BLTP3B: variants seen among roughly 807,000 people sequenced by gnomAD.
BLTP3B encodes UHRF1 (ICBP90) binding protein 1-like.
the BLTP3B span, among the ~76,000 whole-genome samples, chr12:100,100,203 G>A: frequency 6.6e-6 from 1 of 152,016 alleles, no homozygotes; most frequent in African/African-American, 2.4e-5. Context: ...TACTCGGGAG[G>A]CTGAGCTGAG....
At chr12:100,053,945 CTGACA>C in the BLTP3B span, among the ~76,000 whole-genome samples, 1 of 152,010 alleles carries the variant, frequency 6.6e-6, no homozygotes, top group Non-Finnish European at 1.5e-5. Flanking sequence ...ATTAATGACC[CTGACA>C]TAAAAATAAG....
chr12:100,074,802 A>C, the BLTP3B span, among the ~76,000 whole-genome samples: 166 of 152,260 alleles, frequency 1.1e-3, 6 homozygotes, highest in South Asian at 0.029. Context: ...ACTATAAGGA[A>C]CCAAAATGGC....
the BLTP3B span, among the ~76,000 whole-genome samples, chr12:100,137,510 GT>G: frequency 2.6e-5 from 4 of 152,218 alleles, no homozygotes; most frequent in East Asian, 7.7e-4. Flanking sequence ...TAGAGACAGA[GT>G]TTTCATCATG....
chr12:100,109,207 TCTCTCTC>T, the BLTP3B span, among the ~76,000 whole-genome samples: 1 of 127,746 alleles, frequency 7.8e-6, no homozygotes, highest in Admixed American at 8.0e-5. Context: ...TCTCTCTCTC[TCTCTCTC>T]CTGCCACCAT....
At chr12:100,071,497 C>CAA in the BLTP3B span, among the ~76,000 whole-genome samples, 366 of 78,674 alleles carry the variant, frequency 4.7e-3, 7 homozygotes, top group African/African-American at 0.011. Context: ...ACTATGTCTC[C>CAA]AAAAAAAAAA....
At chr12:100,053,552 C>T in the BLTP3B span, among the ~76,000 whole-genome samples, 3 of 152,160 alleles carry the variant, frequency 2.0e-5, no homozygotes, top group Non-Finnish European at 4.4e-5. Flanking sequence ...TACATACATT[C>T]ACAAATATGT....
the BLTP3B span, chr12:100,039,517 A>T: frequency 2.2e-6 from 3 of 1,344,876 alleles, no homozygotes; most frequent in East Asian, 4.9e-5. Flanking sequence ...AAAATAAGTA[A>T]ACAATGTTTT....
the BLTP3B span, chr12:100,142,858 C>A: frequency 1.8e-6 from 1 of 551,732 alleles, no homozygotes; most frequent in Non-Finnish European, 3.1e-6. Flanking sequence ...TTGGCTGCAG[C>A]ATCACCTAAG....
At chr12:100,126,319 G>T in the BLTP3B span, among the ~76,000 whole-genome samples, 1 of 152,144 alleles carries the variant, frequency 6.6e-6, no homozygotes. Flanking sequence ...AATATTCCTT[G>T]AGAAGCCAAC....
the BLTP3B span, among the ~76,000 whole-genome samples, chr12:100,044,495 C>T: frequency 6.6e-6 from 1 of 152,174 alleles, no homozygotes; most frequent in Non-Finnish European, 1.5e-5. Flanking sequence ...AATCTACTGA[C>T]TCATGCTCTT....
chr12:100,043,402 T>A, the BLTP3B span, among the ~76,000 whole-genome samples: 4 of 152,236 alleles, frequency 2.6e-5, no homozygotes, highest in Non-Finnish European at 5.9e-5. Flanking sequence ...TGTAAGAGTT[T>A]ATCTCTGAAC....
chr12:100,098,564 A>G, the BLTP3B span: 2 of 1,587,764 alleles, frequency 1.3e-6, no homozygotes. Context: ...AGCAAAACAA[A>G]ATACACTAAT....
At chr12:100,103,440 TTTA>T in the BLTP3B span, among the ~76,000 whole-genome samples, 23 of 152,036 alleles carry the variant, frequency 1.5e-4, no homozygotes, top group South Asian at 4.6e-3. Context: ...ATATATAGCA[TTTA>T]TTATTATCTG....
the BLTP3B span, among the ~76,000 whole-genome samples, chr12:100,087,277 C>G: frequency 6.7e-6 from 1 of 149,176 alleles, no homozygotes; most frequent in African/African-American, 2.5e-5. Context: ...ATAACGTGAA[C>G]ATAAAAATCA....
At chr12:100,072,792 G>A in the BLTP3B span, 9 of 1,598,750 alleles carry the variant, frequency 5.6e-6, no homozygotes, top group South Asian at 1.1e-5. Flanking sequence ...GGGGAAGAAC[G>A]ACATTGTTCC....
the BLTP3B span, among the ~76,000 whole-genome samples, chr12:100,122,369 G>T: frequency 1.9e-4 from 29 of 152,152 alleles, no homozygotes; most frequent in Admixed American, 1.9e-3. Flanking sequence ...AATGCTGAAG[G>T]TCACACTAAA....
chr12:100,060,375 G>T, the BLTP3B span, among the ~76,000 whole-genome samples: 4 of 152,020 alleles, frequency 2.6e-5, no homozygotes, highest in African/African-American at 9.7e-5. Context: ...TCTTTCCTAA[G>T]GTTGTATTTA....
chr12:100,142,686 T>C, the BLTP3B span: 10 of 1,580,754 alleles, frequency 6.3e-6, no homozygotes, highest in Non-Finnish European at 8.6e-6. Flanking sequence ...CACTGCCTCC[T>C]CTCTTCGTGG....
At chr12:100,058,512 C>T in the BLTP3B span, 4 of 1,613,372 alleles carry the variant, frequency 2.5e-6, no homozygotes, top group Non-Finnish European at 2.5e-6. Context: ...AACAGTTACA[C>T]TTCTAATTCT....
Sources: allele counts gnomAD v4.1 joint callset (sites outside exome capture counted in the v4.1 genomes callset), GRCh38; gene constraint gnomAD v4.1.1; transcripts MANE v1.5; gene names NCBI Gene and HGNC (gene_info 2026-07-23, HGNC 2026-07-21).